Variants in SLC25A42 observed in about 807,000 individuals in gnomAD.
SLC25A42 encodes mitochondrial coenzyme A transporter SLC25A42.
A neutral mutation model predicts 34.7 loss-of-function variants in SLC25A42; 19 were observed. The ratio of observed to expected loss-of-function variants is 0.55; its 90% CI spans 0.38 to 0.80. The LOEUF (loss-of-function observed/expected upper bound fraction) is 0.80, where lower values mean the gene tolerates loss of function less well. SLC25A42 is among the 30% of genes least tolerant of loss of function. SLC25A42 has a pLI of 0.00. For missense variants in SLC25A42, 364 were observed against 441.3 expected (o/e 0.82, Z 1.57); for synonymous variants, 205 against 191.2 (o/e 1.07, Z -0.59).
At chr19:19,072,535 G>A (rs756801346) in intron 1 of SLC25A42, among the ~76,000 whole-genome samples, 59 of 151,466 alleles carry the variant, frequency 3.9e-4, no homozygotes, top group Admixed American at 3.3e-4. Context: ...CTGCCACCAC[G>A]CCTGGCTAAT....
chr19:19,106,572 G>C (rs568341822), intron 6 of SLC25A42, 187 bp downstream of exon 6: 1 of 512,770 alleles, frequency 2.0e-6, no homozygotes, highest in East Asian at 3.4e-5. Flanking sequence ...CTTAGCCTGG[G>C]GGTCACTTTC....
chr19:19,104,803 T>TA lies in SLC25A42; in HGVS notation c.188-110_188-109insA, dbSNP rs56247515. On this transcript the variant is annotated intron_variant, in intron 3 of 7. Transcript: ENST00000318596. ...TCAGCTCCCATTCCTGGGACAAGAT[T>TA]GGGGGGAAAAGGAGGGTGACTCTGC... 0.73 allele frequency: 907,112 copies of TA among 1,237,236 alleles called. 335,464 individuals carry two copies. The highest frequency in any genetic ancestry group is 0.92 in the East Asian group (38,149 of 41,692). The allele number at this position is 1,237,236 out of a possible 1,614,324, so 76.6% of individuals were successfully genotyped here. A position where few individuals can be genotyped will look rare whatever the true frequency, so the allele number is the denominator to read the frequency against.
At chr19:19,089,869 A>AAAAAAC (rs112181062) in intron 1 of SLC25A42, among the ~76,000 whole-genome samples, 26 of 151,518 alleles carry the variant, frequency 1.7e-4, no homozygotes, top group African/African-American at 3.1e-4. Flanking sequence ...ACTCCGTCTC[A>AAAAAAC]AAAAACAAAA....
chr19:19,106,211 C>G, intron 5 of SLC25A42, 58 bp from the exon 6 acceptor site: 3 of 1,459,064 alleles, frequency 2.1e-6, no homozygotes, highest in Non-Finnish European at 2.8e-6. Flanking sequence ...CAGGCTGGGC[C>G]TCTGTGCATC....
chr19:19,077,322 T>C (rs150176787), intron 1 of SLC25A42, among the ~76,000 whole-genome samples: 1 of 152,354 alleles, frequency 6.6e-6, no homozygotes, highest in East Asian at 1.9e-4. Context: ...AACTCTTCCG[T>C]CTTGCAAAAC....
intron 1 of SLC25A42, among the ~76,000 whole-genome samples, chr19:19,071,457 G>A (rs930849619): frequency 1.3e-5 from 2 of 152,198 alleles, no homozygotes; most frequent in African/African-American, 4.8e-5. Flanking sequence ...TCAGTCTTGA[G>A]GAGAAGCTGG....
chr19:19,099,516 G>A (rs1385737745), intron 2 of SLC25A42, among the ~76,000 whole-genome samples: 1 of 152,022 alleles, frequency 6.6e-6, no homozygotes, highest in Admixed American at 6.6e-5. Flanking sequence ...GGCAGAGCTG[G>A]GATTCAGGCC....
intron 1 of SLC25A42, among the ~76,000 whole-genome samples, chr19:19,082,962 G>A (rs1226620765): frequency 1.3e-5 from 2 of 152,016 alleles, no homozygotes; most frequent in African/African-American, 4.8e-5. Flanking sequence ...GGGACTACAG[G>A]TGCGTGCCAC....
rs763772024 is a variant in SLC25A42 at position 19,105,581 on chromosome 19, C to T, written c.234C>T (p.Tyr78=). Residue 78 remains tyrosine, a synonymous_variant, in exon 5 of 8, where the codon TAC becomes TAT. Coordinates refer to ENST00000318596, the MANE Select transcript of SLC25A42 (RefSeq NM_178526.5). ...FSAKEAFRVL[Y]YTYLNEGFLS... Reference sequence around the variant, plus strand: ...TCCAGGAGGCCTTCCGGGTCCTCTACTACACCTACCTCAACGAGGGATTTC... The same window carrying T: ...TCCAGGAGGCCTTCCGGGTCCTCTATTACACCTACCTCAACGAGGGATTTC... The T allele has an allele frequency of 1.9e-6, 3 of 1,613,854 alleles. No homozygotes were observed. Among genetic ancestry groups the T allele is most frequent in the Admixed American group, 3.3e-5 (2 of 59,964 alleles).
chr19:19,068,021 G>A (rs2059610969), intron 1 of SLC25A42, among the ~76,000 whole-genome samples: 2 of 152,112 alleles, frequency 1.3e-5, no homozygotes, highest in Non-Finnish European at 2.9e-5. Flanking sequence ...TTTTAAAAGT[G>A]CATTTGCATT....
At chr19:19,096,057 C>A in intron 1 of SLC25A42, 34 bp from the exon 2 acceptor site, 1 of 1,375,006 alleles carries the variant, frequency 7.3e-7, no homozygotes, top group Non-Finnish European at 1.0e-6. Flanking sequence ...CTCAGGATCT[C>A]GCCGTATCTT....
chr19:19,108,192 G>A (rs369948834), intron 7 of SLC25A42, 147 bp downstream of exon 7: 11 of 850,080 alleles, frequency 1.3e-5, no homozygotes, highest in African/African-American at 8.8e-5. Context: ...CATCCAAATC[G>A]GGAGAAAACA....
At chr19:19,108,455 G>T (rs954058177) in intron 7 of SLC25A42, among the ~76,000 whole-genome samples, 1 of 152,080 alleles carries the variant, frequency 6.6e-6, no homozygotes, top group Non-Finnish European at 1.5e-5. Context: ...AGGCTGCGGT[G>T]GGAGGATCAC....
chr19:19,105,994 G>A (rs1357970984), intron 5 of SLC25A42: 5 of 554,550 alleles, frequency 9.0e-6, no homozygotes, highest in Non-Finnish European at 1.6e-5. Flanking sequence ...AAATCCCAGA[G>A]GGGCAGGTTA....
At chr19:19,088,098 T>C (rs1599675185) in intron 1 of SLC25A42, among the ~76,000 whole-genome samples, 1 of 152,174 alleles carries the variant, frequency 6.6e-6, no homozygotes, top group Non-Finnish European at 1.5e-5. Context: ...TTTGTTGCCA[T>C]GTATGGATTG....
chr19:19,079,152 T>C (rs918359261), intron 1 of SLC25A42, among the ~76,000 whole-genome samples: 58 of 152,106 alleles, frequency 3.8e-4, no homozygotes, highest in African/African-American at 1.4e-3. Context: ...ACCTCCCTGG[T>C]TCAAGCGATT....
rs139411400 is a variant in SLC25A42, at chr19:19,079,629, C to G, written c.-35+15514C>G. On this transcript the variant is annotated intron_variant, in intron 1 of 7. Coordinates refer to ENST00000318596, the MANE Select transcript of SLC25A42 (RefSeq NM_178526.5). ...CATGGCTGAGTAGTAGTCTGTCATG[C>G]GAACATTTTGTATATCCATTCATCT... 1.3e-4 allele frequency among the ~76,000 whole-genome samples: 20 copies of G among 152,268 alleles called. No homozygotes were observed. In the East Asian group the frequency reaches 3.9e-3, roughly 29 times the overall value.
chr19:19,097,914 G>A (rs1379686731), intron 2 of SLC25A42, among the ~76,000 whole-genome samples: 1 of 150,896 alleles, frequency 6.6e-6, no homozygotes, highest in Admixed American at 6.6e-5. Flanking sequence ...AGTGAGCTGA[G>A]ATCACGCCAC....
chr19:19,110,296 T>C (rs930247964), intron 7 of SLC25A42, among the ~76,000 whole-genome samples: 5 of 152,156 alleles, frequency 3.3e-5, no homozygotes, highest in Non-Finnish European at 7.4e-5. Flanking sequence ...TGAGCCGAGA[T>C]TGGGCCATTG....
Sources: allele counts gnomAD v4.1 joint callset (sites outside exome capture counted in the v4.1 genomes callset), GRCh38; gene constraint gnomAD v4.1.1; transcripts MANE v1.5; gene names NCBI Gene and HGNC (gene_info 2026-07-23, HGNC 2026-07-21).